PRRX2: variants seen among roughly 807,000 people sequenced by gnomAD.
PRRX2 encodes paired mesoderm homeobox protein 2.
In PRRX2, 11 loss-of-function variants were observed where a neutral mutation model predicts 18.0. The ratio of observed to expected loss-of-function variants is 0.61; its 90% CI spans 0.39 to 1.01. The LOEUF is 1.01. PRRX2 is among the 50% of genes least tolerant of loss of function. The probability of loss-of-function intolerance (pLI) is 0.01; values close to 1 mark genes in which losing one functional copy is unlikely to be tolerated. For missense variants in PRRX2, 387 were observed against 351.0 expected (o/e 1.10, Z -0.82); for synonymous variants, 177 against 154.8 (o/e 1.14, Z -1.06).
At chr9:129,719,192 G>T in intron 1 of PRRX2, 39 bp from the exon 2 acceptor site, 1 of 1,498,586 alleles carries the variant, frequency 6.7e-7, no homozygotes. Flanking sequence ...GTAGCCACTG[G>T]CCGTCCTGCT....
chr9:129,670,192 C>T (rs1318025438), intron 1 of PRRX2, among the ~76,000 whole-genome samples: 1 of 151,630 alleles, frequency 6.6e-6, no homozygotes, highest in Non-Finnish European at 1.5e-5. Flanking sequence ...GGCCGAATCA[C>T]ATTCCACTGT....
chr9:129,673,162 T>C (rs1832121165), intron 1 of PRRX2, among the ~76,000 whole-genome samples: 1 of 152,150 alleles, frequency 6.6e-6, no homozygotes, highest in Non-Finnish European at 1.5e-5. Context: ...TACAGAAAGG[T>C]TCTTGGCTGG....
chr9:129,720,823 C>A (rs777460130), intron 3 of PRRX2, 49 bp downstream of exon 3: 1 of 1,478,040 alleles, frequency 6.8e-7, no homozygotes, highest in Admixed American at 2.3e-5. Context: ...TCGAGGAATC[C>A]CAGAGGGCTT....
chr9:129,683,834 C>T (rs1038384442), intron 1 of PRRX2, among the ~76,000 whole-genome samples: 3 of 152,158 alleles, frequency 2.0e-5, no homozygotes, highest in Non-Finnish European at 4.4e-5. Context: ...GGCTCAGAGG[C>T]GGGAGCGCCA....
At chr9:129,719,538 GA>G (rs1832762552) in intron 2 of PRRX2, 120 bp downstream of exon 2, 1 of 1,252,464 alleles carries the variant, frequency 8.0e-7, no homozygotes, top group Non-Finnish European at 1.0e-6. Context: ...CTGAGGCCAG[GA>G]GGACGGGGGT....
chr9:129,701,146 A>G (rs1832490715), intron 1 of PRRX2, among the ~76,000 whole-genome samples: 2 of 152,256 alleles, frequency 1.3e-5, no homozygotes, highest in Non-Finnish European at 2.9e-5. Flanking sequence ...CCGTTTTGGC[A>G]TCCCCACTAG....
chr9:129,681,167 T>A (rs1354615309), intron 1 of PRRX2, among the ~76,000 whole-genome samples: 1 of 152,168 alleles, frequency 6.6e-6, no homozygotes, highest in East Asian at 1.9e-4. Flanking sequence ...CTGGGAGAGC[T>A]GGTTTCAGTG....
intron 1 of PRRX2, among the ~76,000 whole-genome samples, chr9:129,713,517 C>T (rs1459042671): frequency 6.6e-6 from 1 of 152,216 alleles, no homozygotes; most frequent in East Asian, 1.9e-4. Context: ...TGACAGGCCC[C>T]CTACGCTGCT....
At chr9:129,667,142 G>C (rs923215118) in intron 1 of PRRX2, among the ~76,000 whole-genome samples, 5 of 80,928 alleles carry the variant, frequency 6.2e-5, no homozygotes, top group Non-Finnish European at 1.3e-4. Flanking sequence ...CGACACGCCT[G>C]CCTTTCACGG....
chr9:129,715,096 G>T lies in PRRX2; in HGVS notation c.260-4135G>T, dbSNP rs141197990. On this transcript the variant is annotated intron_variant, in intron 1 of 3. Coordinates refer to ENST00000372469, the MANE Select transcript of PRRX2 (RefSeq NM_016307.4). The surrounding 1 kb of genome is among the most constrained non-coding windows in gnomAD (Gnocchi z 4.0). ...TGAAGCGGTCCCGGCAATGAGACCA[G>T]CTCCACAGGGCCACCACGTGCTCCC... Among the ~76,000 whole-genome samples the T allele has an allele frequency of 1.3e-5, 2 of 152,130 alleles. No individual in the cohort carries two copies.
chr9:129,696,082 GA>G (rs57374729), intron 1 of PRRX2, among the ~76,000 whole-genome samples: 13 of 145,500 alleles, frequency 8.9e-5, no homozygotes, highest in Admixed American at 4.8e-4. Flanking sequence ...GAAAGAAAAC[GA>G]AAAAAAAAAG....
At chr9:129,679,406 CCAT>C (rs1216257514) in intron 1 of PRRX2, among the ~76,000 whole-genome samples, 1 of 152,100 alleles carries the variant, frequency 6.6e-6, no homozygotes, top group Non-Finnish European at 1.5e-5. Context: ...TCCAAGAGGA[CCAT>C]TTATTGTGCA....
chr9:129,720,719 C>G lies in PRRX2; in HGVS notation c.571C>G (p.Arg191Gly), dbSNP rs753647365. The change falls in exon 3 of 4, where the codon CGG becomes GGG. Residue 191 changes from arginine to glycine, a missense_variant. By Grantham distance (125) the Arg-to-Gly change is moderately radical. Transcript: ENST00000372469. ...EAAIEQPVAP[R>G]PTALSPDYLS... ...CGCCATCGAGCAGCCCGTGGCTCCC[C>G]GGCCCACCGCCCTGAGTCCAGATTA... The G allele has an allele frequency of 2.5e-5, 41 of 1,612,276 alleles. No individual in the cohort carries two copies. The highest frequency in any genetic ancestry group is 4.4e-5 in the South Asian group (4 of 90,868).
At chr9:129,678,056 A>G (rs1264673112) in intron 1 of PRRX2, among the ~76,000 whole-genome samples, 1 of 140,696 alleles carries the variant, frequency 7.1e-6, no homozygotes, top group Non-Finnish European at 1.5e-5. Flanking sequence ...CTCCGCCTCC[A>G]GGGTTCAGGT....
At chr9:129,685,479 C>T (rs1034751264) in intron 1 of PRRX2, among the ~76,000 whole-genome samples, 1 of 152,184 alleles carries the variant, frequency 6.6e-6, no homozygotes, top group Non-Finnish European at 1.5e-5. Flanking sequence ...ATCCTCCCAC[C>T]TCAGCCTCCT....
intron 1 of PRRX2, among the ~76,000 whole-genome samples, chr9:129,687,276 T>C (rs1490928548): frequency 1.3e-5 from 2 of 152,126 alleles, no homozygotes; most frequent in East Asian, 1.9e-4. Flanking sequence ...GCACAGATGC[T>C]TCATGGAAGG....
chr9:129,697,030 T>C lies in PRRX2; in HGVS notation c.260-22201T>C, dbSNP rs552402544. ...TATCCCGACTGTTAAACGGGGACGG[T>C]AGCAGCAGTACCTGCCTCATAGGGT... On this transcript the variant is annotated intron_variant, in intron 1 of 3. Transcript: ENST00000372469. Among the ~76,000 whole-genome samples the C allele has an allele frequency of 2.6e-5, 4 of 152,330 alleles. No homozygotes were observed. The South Asian group carries it at 8.3e-4, about 32-fold the overall frequency.
At chr9:129,713,632 C>T (rs1000447622) in intron 1 of PRRX2, among the ~76,000 whole-genome samples, 147 of 151,234 alleles carry the variant, frequency 9.7e-4, no homozygotes, top group African/African-American at 3.2e-3. Flanking sequence ...CCTTTTTTTT[C>T]TTTCTTTTTT....
intron 1 of PRRX2, among the ~76,000 whole-genome samples, chr9:129,699,395 G>C (rs533324094): frequency 2.8e-4 from 42 of 152,214 alleles, no homozygotes; most frequent in African/African-American, 9.9e-4. Flanking sequence ...TTGCACTGCA[G>C]CCTGGGCAAC....
Sources: gnomAD v4.1 joint callset for allele counts (sites outside exome capture counted in the v4.1 genomes callset) on GRCh38, gnomAD v4.1.1 for gene constraint, Gnocchi (gnomAD v3.1) non-coding constraint, MANE v1.5 for transcripts, NCBI Gene and HGNC (gene_info 2026-07-23, HGNC 2026-07-21) for gene names.